PDE4B: variants seen among roughly 807,000 people sequenced by gnomAD.
The protein encoded by PDE4B is phosphodiesterase 4B.
A neutral mutation model predicts 82.2 loss-of-function variants in PDE4B; 20 were observed. The ratio of observed to expected loss-of-function variants is 0.24; its 90% confidence interval spans 0.17 to 0.35. The LOEUF is 0.35. Ranked by LOEUF, PDE4B falls within the 10% of genes least tolerant of loss-of-function variation. PDE4B has a pLI of 1.00. For missense variants in PDE4B, 655 were observed against 907.2 expected (o/e 0.72, Z 3.57); for synonymous variants, 320 against 318.9 (o/e 1.00, Z -0.04).
At chr1:66,098,458 T>G (rs563352343) in intron 3 of PDE4B, among the ~76,000 whole-genome samples, 4 of 152,176 alleles carry the variant, frequency 2.6e-5, no homozygotes, top group Non-Finnish European at 5.9e-5. Flanking sequence ...ATTTTCTATT[T>G]CATTATTCCA....
In PDE4B at chr1:66,065,689, A is replaced by G. The variant is rs554873272; in HGVS notation, c.281+146854A>G. On this transcript the variant is annotated intron_variant, in intron 3 of 16. Coordinates refer to ENST00000341517, the MANE Select transcript of PDE4B (RefSeq NM_002600.4). ...CTAGTCCAACTTCCTCATTTATAGAAGAAGGAATCAGAGAAGGGCTAGCTT... is the reference window on the plus strand; with the variant it reads ...CTAGTCCAACTTCCTCATTTATAGAGGAAGGAATCAGAGAAGGGCTAGCTT... Among the ~76,000 whole-genome samples, 4 of 151,986 alleles carry G rather than the reference A, an allele frequency of 2.6e-5. No homozygotes were observed. The South Asian group carries it at 6.2e-4, about 24-fold the overall frequency.
intron 1 of PDE4B, among the ~76,000 whole-genome samples, chr1:65,818,487 A>C (rs1003595702): frequency 6.6e-6 from 1 of 151,790 alleles, no homozygotes; most frequent in Admixed American, 6.6e-5. Context: ...AGAGTAATCT[A>C]TTCCTTTCTT....
intron 3 of PDE4B, among the ~76,000 whole-genome samples, chr1:66,228,467 A>G (rs529564729): frequency 6.6e-6 from 1 of 152,086 alleles, no homozygotes; most frequent in Non-Finnish European, 1.5e-5. Context: ...TACTAAAAAT[A>G]CAAAAAATTA....
chr1:65,824,219 G>C (rs1645988916), intron 1 of PDE4B, among the ~76,000 whole-genome samples: 1 of 152,104 alleles, frequency 6.6e-6, no homozygotes, highest in South Asian at 2.1e-4. Flanking sequence ...TCTCAGGCTG[G>C]TGTGTTCTTT....
At chr1:65,868,990 G>T (rs2100287896) in intron 1 of PDE4B, among the ~76,000 whole-genome samples, 1 of 152,258 alleles carries the variant, frequency 6.6e-6, no homozygotes, top group South Asian at 2.1e-4. Flanking sequence ...AAAAGGTTGG[G>T]GACCACTGCC....
chr1:65,868,307 C>T (rs567040637), intron 1 of PDE4B, among the ~76,000 whole-genome samples: 2 of 152,206 alleles, frequency 1.3e-5, no homozygotes, highest in African/African-American at 4.8e-5. Flanking sequence ...GCTCAGGGAA[C>T]CCATCCGTCC....
intron 3 of PDE4B, among the ~76,000 whole-genome samples, chr1:65,978,876 G>T (rs1268488574): frequency 1.3e-5 from 2 of 151,888 alleles, no homozygotes; most frequent in African/African-American, 2.4e-5. Flanking sequence ...TTATACATCT[G>T]GGATTTTAAC....
rs1329251835 is a variant in PDE4B, at chr1:66,365,741, C to A, written c.1359C>A (p.Val453=). ...AAIHDVDHPG[V]SNQFLINTNS... is the part of the protein sequence containing the mutation. ...TCCATGACGTTGATCATCCTGGAGTCTCCAATCAGTTTCTCATCAACACAA... is the reference window on the plus strand; with the variant it reads ...TCCATGACGTTGATCATCCTGGAGTATCCAATCAGTTTCTCATCAACACAA... Residue 453 remains valine (V), a synonymous_variant, in exon 13 of 17, where the codon GTC becomes GTA. Coordinates refer to ENST00000341517, the MANE Select transcript of PDE4B (RefSeq NM_002600.4). 1 of 1,599,046 alleles carries A rather than the reference C, an allele frequency of 6.3e-7. No homozygotes were observed. The highest frequency in any genetic ancestry group is 1.3e-5 in the African/African-American group (1 of 74,678).
At chr1:66,194,371 A>G (rs1648092480) in intron 3 of PDE4B, among the ~76,000 whole-genome samples, 1 of 152,146 alleles carries the variant, frequency 6.6e-6, no homozygotes, top group African/African-American at 2.4e-5. Context: ...CATAACTTGG[A>G]TGCTGTTTCT....
At chr1:65,812,275 TC>T in intron 1 of PDE4B, among the ~76,000 whole-genome samples, 1 of 152,332 alleles carries the variant, frequency 6.6e-6, no homozygotes, top group Non-Finnish European at 1.5e-5. Context: ...CTCTGAGAGT[TC>T]CTTTTCTAAA....
chr1:65,978,383 G>T (rs1221539590), intron 3 of PDE4B, among the ~76,000 whole-genome samples: 2 of 151,962 alleles, frequency 1.3e-5, no homozygotes, highest in African/African-American at 4.8e-5. Context: ...TTGCCCTGAA[G>T]AATACTTGGT....
At chr1:66,039,651 A>T (rs1654256749) in intron 3 of PDE4B, among the ~76,000 whole-genome samples, 1 of 152,042 alleles carries the variant, frequency 6.6e-6, no homozygotes, top group African/African-American at 2.4e-5. Flanking sequence ...ATAAACATGG[A>T]TTTAAATCGT....
chr1:66,068,629 T>C (rs941788554), intron 3 of PDE4B, among the ~76,000 whole-genome samples: 15 of 151,936 alleles, frequency 9.9e-5, no homozygotes, highest in Non-Finnish European at 1.6e-4. Context: ...CTTTGAACAA[T>C]TGCAGATGAA....
At chr1:65,876,392 A>G (rs1467964667) in intron 1 of PDE4B, among the ~76,000 whole-genome samples, 1 of 152,124 alleles carries the variant, frequency 6.6e-6, no homozygotes, top group Non-Finnish European at 1.5e-5. Context: ...GCAATACTTA[A>G]TATTTTGTCA....
intron 7 of PDE4B, among the ~76,000 whole-genome samples, chr1:66,286,003 C>A (rs1656649484): frequency 6.6e-6 from 1 of 152,202 alleles, no homozygotes; most frequent in South Asian, 2.1e-4. Context: ...AGCTGACACA[C>A]TTTCCCATCA....
At chr1:66,261,014 A>T (rs1654640529) in intron 6 of PDE4B, among the ~76,000 whole-genome samples, 1 of 152,156 alleles carries the variant, frequency 6.6e-6, no homozygotes, top group Non-Finnish European at 1.5e-5. Flanking sequence ...CCTGTTACTG[A>T]TTGCAAGTAC....
chr1:66,242,993 T>C (rs183826977), intron 3 of PDE4B, among the ~76,000 whole-genome samples: 203 of 152,282 alleles, frequency 1.3e-3, no homozygotes, highest in African/African-American at 4.6e-3. Context: ...AATGAAGAGA[T>C]GAGAAGATGG....
chr1:66,136,122 C>T (rs11802014), intron 3 of PDE4B, among the ~76,000 whole-genome samples: 4,023 of 152,128 alleles, frequency 0.026, 194 homozygotes, highest in African/African-American at 0.092. Flanking sequence ...TACTTACAGC[C>T]CCTTCCCATC....
intron 1 of PDE4B, among the ~76,000 whole-genome samples, chr1:65,818,703 T>A (rs1645915371): frequency 6.7e-6 from 1 of 148,888 alleles, no homozygotes; most frequent in Admixed American, 6.7e-5. Flanking sequence ...TATATATATA[T>A]AAAATAACAA....
Sources: allele counts gnomAD v4.1 joint callset (sites outside exome capture counted in the v4.1 genomes callset), GRCh38; gene constraint gnomAD v4.1.1; transcripts MANE v1.5; gene names NCBI Gene and HGNC (gene_info 2026-07-23, HGNC 2026-07-21).